Variants in UNC5C observed in about 807,000 individuals in gnomAD.
UNC5C encodes netrin receptor UNC5C.
A neutral mutation model predicts 99.8 loss-of-function variants in UNC5C; 47 were observed. The observed-to-expected ratio is 0.47, with a 90% confidence interval of 0.37 to 0.60. The LOEUF (loss-of-function observed/expected upper bound fraction) is 0.60, where lower values mean the gene tolerates loss of function less well. UNC5C is among the 20% of genes least tolerant of loss of function. UNC5C has a pLI of 0.00. For missense variants in UNC5C, 1,062 were observed against 1,165.9 expected, an observed-to-expected ratio of 0.91 and a Z score of 1.30; for synonymous variants, 487 against 452.2, an observed-to-expected ratio of 1.08 and a Z score of -0.98.
At chr4:95,502,866 C>T (rs1195272737) in intron 1 of UNC5C, among the ~76,000 whole-genome samples, 11 of 152,166 alleles carry the variant, frequency 7.2e-5, no homozygotes, top group South Asian at 2.1e-4. Flanking sequence ...ATTTCTCTCC[C>T]GCAAAGAATC....
At chr4:95,401,259 A>T (rs1208946035) in intron 1 of UNC5C, among the ~76,000 whole-genome samples, 1 of 152,150 alleles carries the variant, frequency 6.6e-6, no homozygotes, top group Non-Finnish European at 1.5e-5. Flanking sequence ...TGAGCAAAAC[A>T]TAGGAGCTAA....
At chr4:95,295,945 G>A (rs2149401868) in intron 3 of UNC5C, among the ~76,000 whole-genome samples, 1 of 152,248 alleles carries the variant, frequency 6.6e-6, no homozygotes, top group Admixed American at 6.5e-5. Context: ...AATTAGCCAG[G>A]GATGGTGGTG....
chr4:95,292,474 G>A (rs1741512872), intron 3 of UNC5C, among the ~76,000 whole-genome samples: 1 of 151,872 alleles, frequency 6.6e-6, no homozygotes, highest in South Asian at 2.1e-4. Context: ...TATTTCTTGA[G>A]TCCCTACATT....
intron 4 of UNC5C, among the ~76,000 whole-genome samples, chr4:95,262,032 G>A (rs1392020659): frequency 6.6e-6 from 1 of 152,148 alleles, no homozygotes; most frequent in Non-Finnish European, 1.5e-5. Context: ...ATATCTCTAA[G>A]AACTTGCCCT....
At chr4:95,292,860 C>A (rs897935333) in intron 3 of UNC5C, among the ~76,000 whole-genome samples, 11 of 152,182 alleles carry the variant, frequency 7.2e-5, no homozygotes, top group Non-Finnish European at 1.3e-4. Flanking sequence ...CAGCCACAGG[C>A]AAGGGACGTC....
chr4:95,362,648 C>A (rs1744429223), intron 1 of UNC5C, among the ~76,000 whole-genome samples: 1 of 152,178 alleles, frequency 6.6e-6, no homozygotes, highest in Non-Finnish European at 1.5e-5. Context: ...CAGGATTCCT[C>A]ACTGTTATAT....
At chr4:95,461,802 C>T (rs983874999) in intron 1 of UNC5C, among the ~76,000 whole-genome samples, 1 of 152,122 alleles carries the variant, frequency 6.6e-6, no homozygotes, top group African/African-American at 2.4e-5. Context: ...TGATGCGTGG[C>T]GATGATAGTG....
intron 1 of UNC5C, among the ~76,000 whole-genome samples, chr4:95,500,948 CA>C (rs1721761592): frequency 1.3e-5 from 2 of 152,072 alleles, no homozygotes; most frequent in African/African-American, 4.8e-5. Flanking sequence ...TTTCTAACAT[CA>C]ATAGCTATTT....
At chr4:95,433,477 T>C (rs1235839025) in intron 1 of UNC5C, among the ~76,000 whole-genome samples, 2 of 152,068 alleles carry the variant, frequency 1.3e-5, no homozygotes, top group African/African-American at 2.4e-5. Context: ...TGAAGAAATT[T>C]TGCAGTGAAT....
intron 1 of UNC5C, among the ~76,000 whole-genome samples, chr4:95,409,525 T>A (rs1745921415): frequency 6.6e-6 from 1 of 152,212 alleles, no homozygotes; most frequent in Non-Finnish European, 1.5e-5. Context: ...AATACACACT[T>A]GTGTAAAAGC....
chr4:95,385,269 C>T (rs76871491), intron 1 of UNC5C, among the ~76,000 whole-genome samples: 4,870 of 152,190 alleles, frequency 0.032, 114 homozygotes, highest in South Asian at 0.061. Context: ...TGTCGATGTG[C>T]GGAAGTGCTC....
intron 1 of UNC5C, among the ~76,000 whole-genome samples, chr4:95,441,907 T>C (rs1746962064): frequency 6.6e-6 from 1 of 152,164 alleles, no homozygotes; most frequent in Non-Finnish European, 1.5e-5. Context: ...CTAAATAGTA[T>C]AGTAAACTAG....
At chr4:95,180,489 A>G (rs1247154783) in intron 14 of UNC5C, among the ~76,000 whole-genome samples, 1 of 152,222 alleles carries the variant, frequency 6.6e-6, no homozygotes, top group Non-Finnish European at 1.5e-5. Context: ...CAATACAGTT[A>G]GTTAGTCTTC....
At chr4:95,325,716 G>C (rs1742857239) in intron 2 of UNC5C, among the ~76,000 whole-genome samples, 1 of 152,066 alleles carries the variant, frequency 6.6e-6, no homozygotes, top group East Asian at 1.9e-4. Flanking sequence ...AAGGCTGACT[G>C]TTTGCTAATT....
At chr4:95,223,277 G>A (rs1738545996) in intron 7 of UNC5C, among the ~76,000 whole-genome samples, 1 of 152,122 alleles carries the variant, frequency 6.6e-6, no homozygotes, top group African/African-American at 2.4e-5. Context: ...TTAATCAAAT[G>A]ATACAGCACC....
intron 1 of UNC5C, among the ~76,000 whole-genome samples, chr4:95,453,319 A>C (rs896813995): frequency 3.9e-5 from 6 of 152,152 alleles, no homozygotes; most frequent in Non-Finnish European, 8.8e-5. Flanking sequence ...ATAATAATAC[A>C]TGACACATAA....
intron 9 of UNC5C, 110 bp from the exon 10 acceptor site, chr4:95,216,321 A>G: frequency 2.6e-6 from 2 of 765,760 alleles, no homozygotes; most frequent in Non-Finnish European, 4.2e-6. Flanking sequence ...TTCTCTAAAG[A>G]CATGTAAATA....
At chr4:95,340,294 G>A (rs748975577) in intron 1 of UNC5C, among the ~76,000 whole-genome samples, 4 of 152,012 alleles carry the variant, frequency 2.6e-5, no homozygotes, top group Non-Finnish European at 5.9e-5. Flanking sequence ...TAAAATATAG[G>A]ACCATTATCT....
intron 7 of UNC5C, among the ~76,000 whole-genome samples, chr4:95,237,465 C>A (rs1490089238): frequency 6.6e-6 from 1 of 152,052 alleles, no homozygotes; most frequent in East Asian, 1.9e-4. Flanking sequence ...ACCTTCAAAG[C>A]CTTTTTATGA....
Sources: allele counts gnomAD v4.1 joint callset (sites outside exome capture counted in the v4.1 genomes callset), GRCh38; gene constraint gnomAD v4.1.1; transcripts MANE v1.5; gene names NCBI Gene and HGNC (gene_info 2026-07-23, HGNC 2026-07-21).